Variants in ATP7A observed in about 807,000 individuals in gnomAD.
The protein encoded by ATP7A is copper-transporting ATPase 1.
In ATP7A, 7 loss-of-function variants were observed where a neutral mutation model predicts 83.5. The observed-to-expected ratio is 0.08, with a 90% confidence interval of 0.05 to 0.16. ATP7A has a LOEUF of 0.16. ATP7A is among the 10% of genes least tolerant of loss of function. The pLI is 1.00. For synonymous variants in ATP7A, 354 were observed against 395.2 expected (o/e 0.90, Z 1.24); for missense variants, 940 against 1,120.8 (o/e 0.84, Z 2.30).
In ATP7A at chrX:77,938,825, G is replaced by A. The variant is rs929063186; in HGVS notation, c.-22+27990G>A. Among the ~76,000 whole-genome samples the A allele has an allele frequency of 3.6e-5, 4 of 111,847 alleles. No individual in the cohort carries two copies. In the Admixed American group the frequency reaches 3.8e-4, roughly 11 times the overall value. Reference sequence around the variant, plus strand: ...AACTTTGCTACGTAGGTATATACATGTGTGTCTGTCCATGTCTCCTTTTAA... The same window carrying A: ...AACTTTGCTACGTAGGTATATACATATGTGTCTGTCCATGTCTCCTTTTAA... On this transcript the variant is annotated intron_variant, in intron 1 of 22. Transcript: ENST00000341514.
intron 1 of ATP7A, among the ~76,000 whole-genome samples, chrX:77,936,479 G>A (rs1304657304): frequency 8.9e-6 from 1 of 111,844 alleles, no homozygotes; most frequent in African/African-American, 3.3e-5. Context: ...ATTAAGTATA[G>A]CCATACTGTT....
At chrX:78,014,833 G>C in intron 11 of ATP7A, 80 bp downstream of exon 11, 1 of 726,217 alleles carries the variant, frequency 1.4e-6, no homozygotes, top group Non-Finnish European at 2.1e-6. Flanking sequence ...GTAGAAAAAG[G>C]ACTATCATGA....
intron 1 of ATP7A, among the ~76,000 whole-genome samples, chrX:77,938,065 T>C (rs947348326): frequency 2.7e-5 from 3 of 111,624 alleles, no homozygotes. Flanking sequence ...ATAGTACAAT[T>C]TCATTAAAGA....
intron 1 of ATP7A, among the ~76,000 whole-genome samples, chrX:77,960,457 T>C (rs1557227948): frequency 8.9e-6 from 1 of 112,571 alleles, no homozygotes; most frequent in African/African-American, 3.2e-5. Flanking sequence ...TACTGCATGA[T>C]TATTGAGAAT....
chrX:78,020,635 C>G (rs781805636), intron 13 of ATP7A, among the ~76,000 whole-genome samples: 1 of 111,181 alleles, frequency 9.0e-6, no homozygotes, highest in East Asian at 2.8e-4. Flanking sequence ...GCCTCAGCCT[C>G]CCGAGTAGCT....
In ATP7A at chrX:78,048,283, A is replaced by G. The variant is rs1266242886; in HGVS notation, c.*1713A>G. The G allele has an allele frequency of 8.9e-6, 1 of 112,281 alleles. No homozygotes were observed. The highest frequency in any genetic ancestry group is 1.9e-5 in the Non-Finnish European group (1 of 53,265). 9.3% of individuals were successfully genotyped at this position (112,281 alleles called of 1,213,427 possible). A position where few individuals can be genotyped will look rare whatever the true frequency, so the allele number is the denominator to read the frequency against. The stretch of plus-strand genomic sequence containing the variant: ...TGGATTTCATATGCAGAATATGTAA[A>G]TGAAGAGGACTCATAAGTAAATTCC... On this transcript the variant is annotated 3_prime_UTR_variant, in exon 23 of 23. Coordinates refer to ENST00000341514, the MANE Select transcript of ATP7A (RefSeq NM_000052.7).
intron 1 of ATP7A, among the ~76,000 whole-genome samples, chrX:77,921,272 C>T (rs1449975712): frequency 8.9e-6 from 1 of 112,087 alleles, no homozygotes; most frequent in Non-Finnish European, 1.9e-5. Context: ...TAACTTTATT[C>T]ATGGCTCTTT....
intron 22 of ATP7A, 93 bp from the exon 23 acceptor site, chrX:78,046,201 G>A: frequency 1.2e-5 from 12 of 1,033,482 alleles, no homozygotes; most frequent in African/African-American, 1.8e-5. Context: ...AAAACTAAGT[G>A]TGGATGAGCA....
chrX:78,009,354 G>T, intron 7 of ATP7A, 91 bp downstream of exon 7: 1 of 1,003,024 alleles, frequency 1.0e-6, no homozygotes, highest in Non-Finnish European at 1.4e-6. Flanking sequence ...TAGAGGCAAT[G>T]AAAAAAAATC....
chrX:78,016,115 G>T (rs1391839318), intron 12 of ATP7A, among the ~76,000 whole-genome samples: 1 of 111,700 alleles, frequency 9.0e-6, no homozygotes, highest in Non-Finnish European at 1.9e-5. Flanking sequence ...AAAGCCAAGA[G>T]ATTTAATTGA....
chrX:78,029,227 A>C, intron 14 of ATP7A, 23 bp from the exon 15 acceptor site: 1 of 1,204,779 alleles, frequency 8.3e-7, no homozygotes, highest in Non-Finnish European at 1.1e-6. Flanking sequence ...TCAATAACCA[A>C]AATTTATGCC....
chrX:78,015,175 CA>C (rs1428254509), intron 11 of ATP7A, among the ~76,000 whole-genome samples: 3 of 112,163 alleles, frequency 2.7e-5, no homozygotes, highest in Non-Finnish European at 5.6e-5. Flanking sequence ...ATTTGACTAT[CA>C]TATGGCTTAT....
Position 77,962,937 on chromosome X carries a change from A to G in ATP7A, c.-21-8684A>G, listed in dbSNP as rs2077481876. The G allele has an allele frequency of 2.0e-5, 6 of 303,187 alleles. No individual in the cohort carries two copies. The Admixed American group carries it at 2.1e-4, about 11-fold the overall frequency. The allele number at this position is 303,187 out of a possible 1,213,427, so 25.0% of individuals were successfully genotyped here. ...TTTGATAGTGACTGTGTAATAATTC[A>G]TACTTCCTCATATATGATCATTTCA... On this transcript the variant is annotated intron_variant, in intron 1 of 22. Coordinates refer to ENST00000341514, the MANE Select transcript of ATP7A (RefSeq NM_000052.7).
intron 1 of ATP7A, among the ~76,000 whole-genome samples, chrX:77,948,252 G>C (rs1035358149): frequency 9.2e-6 from 1 of 108,869 alleles, no homozygotes; most frequent in South Asian, 3.9e-4. Context: ...TCAGCCTCCT[G>C]TAATGGCTGG....
chrX:78,027,358 A>G (rs1557236463), intron 14 of ATP7A, among the ~76,000 whole-genome samples: 1 of 111,745 alleles, frequency 8.9e-6, no homozygotes, highest in Non-Finnish European at 1.9e-5. Flanking sequence ...ATTTACAATA[A>G]TCACACACAA....
At chrX:77,943,534 T>G (rs1207312684) in intron 1 of ATP7A, among the ~76,000 whole-genome samples, 1 of 111,873 alleles carries the variant, frequency 8.9e-6, no homozygotes, top group African/African-American at 3.2e-5. Context: ...TTTGGCTAAT[T>G]TCAGCATTTT....
chrX:78,035,456 C>CA (rs2078007793), intron 17 of ATP7A, among the ~76,000 whole-genome samples: 1 of 111,209 alleles, frequency 9.0e-6, no homozygotes, highest in African/African-American at 3.3e-5. Context: ...AGCTATGGGC[C>CA]CACCCCTCAG....
Position 78,038,856 on chromosome X carries a change from T to C in ATP7A, c.3532T>C (p.Tyr1178His), listed in dbSNP as rs1139445. Reference protein sequence around the residue: ...QISNALNAQQYKVLIGNREWM... With the variant: ...QISNALNAQQHKVLIGNREWM... ...TTCAGATGCTCTTAATGCTCAGCAGTATAAAGTCCTCATTGGTAACCGGGA... is the reference window on the plus strand; with the variant it reads ...TTCAGATGCTCTTAATGCTCAGCAGCATAAAGTCCTCATTGGTAACCGGGA... The change falls in exon 18 of 23, where the codon TAT (tyrosine) becomes CAT (histidine). Residue 1178 changes from tyrosine (Y) to histidine (H), a missense_variant. Coordinates refer to ENST00000341514, the MANE Select transcript of ATP7A (RefSeq NM_000052.7). 8.3e-7 allele frequency: 1 copy of C among 1,210,659 alleles called. No homozygotes were observed. Among genetic ancestry groups the C allele is most frequent in the Non-Finnish European group, 1.1e-6 (1 of 894,503 alleles).
chrX:77,945,480 T>G (rs2077374332), intron 1 of ATP7A, among the ~76,000 whole-genome samples: 2 of 112,433 alleles, frequency 1.8e-5, no homozygotes, highest in Admixed American at 1.9e-4. Context: ...ATGCCTGGCC[T>G]GGCAATTATC....
Sources: gnomAD v4.1 joint callset for allele counts (sites outside exome capture counted in the v4.1 genomes callset) on GRCh38, gnomAD v4.1.1 for gene constraint, MANE v1.5 for transcripts, NCBI Gene and HGNC (gene_info 2026-07-23, HGNC 2026-07-21) for gene names.